The following NPEPPS variants were observed in gnomAD, a reference collection of about 807,000 sequenced individuals.
The protein encoded by NPEPPS is aminopeptidase puromycin sensitive, also known as puromycin-sensitive aminopeptidase.
A neutral mutation model predicts 115.5 loss-of-function variants in NPEPPS; 14 were observed. That is an observed-to-expected ratio of 0.12 (90% CI 0.08 to 0.19). The LOEUF (loss-of-function observed/expected upper bound fraction) is 0.19. Ranked by LOEUF, NPEPPS falls within the 10% of genes least tolerant of loss-of-function variation. The probability of loss-of-function intolerance (pLI) is 1.00; values close to 1 mark genes in which losing one functional copy is unlikely to be tolerated. For missense variants in NPEPPS, 523 were observed against 1,110.8 expected, an observed-to-expected ratio of 0.47 and a Z score of 7.52; for synonymous variants, 285 against 390.6, an observed-to-expected ratio of 0.73 and a Z score of 3.19.
At chr17:47,597,474 G>A (rs1395672625) in intron 13 of NPEPPS, among the ~76,000 whole-genome samples, 1 of 152,072 alleles carries the variant, frequency 6.6e-6, no homozygotes, top group Non-Finnish European at 1.5e-5. Flanking sequence ...TTTTTAGTAT[G>A]TGTTTTTTCT....
intron 12 of NPEPPS, among the ~76,000 whole-genome samples, chr17:47,595,296 C>A (rs1367852177): frequency 6.6e-6 from 1 of 151,538 alleles, no homozygotes; most frequent in Non-Finnish European, 1.5e-5. Flanking sequence ...GAACTCCAGA[C>A]CTCAGGTGAT....
At chr17:47,602,374 G>A (rs117597907) in intron 15 of NPEPPS, among the ~76,000 whole-genome samples, 7 of 151,916 alleles carry the variant, frequency 4.6e-5, no homozygotes, top group South Asian at 2.1e-4. Flanking sequence ...TTGGGAGGCC[G>A]AGGCAGGTAG....
At chr17:47,595,884 A>G (rs1450583872) in intron 12 of NPEPPS, among the ~76,000 whole-genome samples, 1 of 151,636 alleles carries the variant, frequency 6.6e-6, no homozygotes, top group East Asian at 1.9e-4. Flanking sequence ...CAGGCACCTG[A>G]AGCAGGAGAA....
intron 3 of NPEPPS, among the ~76,000 whole-genome samples, chr17:47,572,718 T>C (rs1451720059): frequency 6.6e-6 from 1 of 152,072 alleles, no homozygotes; most frequent in Admixed American, 6.5e-5. Context: ...TGAGAACCAG[T>C]CCAGCAGAAC....
chr17:47,621,245 T>G (rs1221847133), intron 22 of NPEPPS, among the ~76,000 whole-genome samples: 1 of 152,038 alleles, frequency 6.6e-6, no homozygotes, highest in Admixed American at 6.6e-5. Context: ...CAATTTAAAC[T>G]TCTTTGTATT....
chr17:47,616,799 A>G (rs1348728959), intron 19 of NPEPPS, among the ~76,000 whole-genome samples: 8 of 151,134 alleles, frequency 5.3e-5, no homozygotes, highest in South Asian at 2.1e-4. Context: ...AAAAAAAAAA[A>G]AGAGACCAGC....
chr17:47,537,550 G>A (rs1908389835), intron 1 of NPEPPS, among the ~76,000 whole-genome samples: 5 of 151,840 alleles, frequency 3.3e-5, no homozygotes, highest in Admixed American at 2.0e-4. Flanking sequence ...AAAATTAGCC[G>A]GGCGTGGTGG....
chr17:47,560,871 T>A (rs1273364581), intron 2 of NPEPPS, among the ~76,000 whole-genome samples: 4 of 152,206 alleles, frequency 2.6e-5, no homozygotes. Context: ...TGAGCTACAC[T>A]GGTATATGTG....
At chr17:47,587,876 G>T (rs1283612805) in intron 9 of NPEPPS, among the ~76,000 whole-genome samples, 1 of 151,250 alleles carries the variant, frequency 6.6e-6, no homozygotes, top group African/African-American at 2.4e-5. Flanking sequence ...TAAAATTCCA[G>T]CTGTTCTGTT....
At chr17:47,524,499 A>C (rs1346739145) in intron 1 of NPEPPS, among the ~76,000 whole-genome samples, 2 of 141,742 alleles carry the variant, frequency 1.4e-5, no homozygotes, top group Non-Finnish European at 3.1e-5. Context: ...AATTAAAAAC[A>C]TTTTTTTTTT....
At chr17:47,556,221 C>T (rs527451898) in intron 2 of NPEPPS, among the ~76,000 whole-genome samples, 18 of 150,626 alleles carry the variant, frequency 1.2e-4, no homozygotes, top group Middle Eastern at 3.4e-3. Context: ...GAGGACCCTG[C>T]GGCCTTTTTT....
chr17:47,579,930 CGTGT>C (rs10591746), intron 4 of NPEPPS: 3,814 of 146,308 alleles, frequency 0.026, 41 homozygotes, highest in Middle Eastern at 0.067. Flanking sequence ...TTTTTTTCTC[CGTGT>C]GTGTGTGTGT....
At chr17:47,592,819 T>G (rs1232054614) in intron 12 of NPEPPS, 1 of 320,534 alleles carries the variant, frequency 3.1e-6, no homozygotes, top group Admixed American at 4.4e-5. Flanking sequence ...GTTACGTCAG[T>G]ATACATGTGC....
chr17:47,603,587 A>G, intron 15 of NPEPPS: 1 of 177,274 alleles, frequency 5.6e-6, no homozygotes. Flanking sequence ...TAGAGATTCC[A>G]CTGTCCAGGT....
At chr17:47,568,268 A>G (rs919000643) in intron 2 of NPEPPS, among the ~76,000 whole-genome samples, 19 of 151,858 alleles carry the variant, frequency 1.3e-4, no homozygotes, top group African/African-American at 4.6e-4. Context: ...AGTTCAAGCA[A>G]TTCTAAATTA....
At chr17:47,525,591 C>A (rs886323710) in intron 1 of NPEPPS, among the ~76,000 whole-genome samples, 69 of 152,166 alleles carry the variant, frequency 4.5e-4, no homozygotes, top group African/African-American at 1.5e-3. Flanking sequence ...GAGCCGCCCA[C>A]CTTGGCCTCC....
At chr17:47,597,100 C>G (rs1043511655) in intron 13 of NPEPPS, among the ~76,000 whole-genome samples, 2 of 151,748 alleles carry the variant, frequency 1.3e-5, no homozygotes, top group Non-Finnish European at 2.9e-5. Context: ...TAAACAGAAT[C>G]AAATGCAAAT....
In NPEPPS at chr17:47,573,539, G is replaced by T. The variant is rs540280789; in HGVS notation, c.418+4045G>T. Among the ~76,000 whole-genome samples, 191 of 152,314 alleles carry T rather than the reference G, an allele frequency of 1.3e-3. 1 individual carries two copies. Among genetic ancestry groups the T allele is most frequent in the African/African-American group, 4.1e-3 (171 of 41,572 alleles). The stretch of plus-strand genomic sequence containing the variant: ...TAGCTAAAGCATGACTTTCTACAGT[G>T]AAGAGAAAATGTCTAAAGTTGAAAA... On this transcript the variant is annotated intron_variant, in intron 3 of 22. Coordinates refer to ENST00000322157, the MANE Select transcript of NPEPPS (RefSeq NM_006310.4).
upstream of NPEPPS, among the ~76,000 whole-genome samples, chr17:47,528,448 T>C (rs1416873566): frequency 1.3e-5 from 2 of 152,174 alleles, no homozygotes; most frequent in African/African-American, 2.4e-5. Flanking sequence ...GAAAAGTATG[T>C]AGGATTCAGA....
Sources: allele counts gnomAD v4.1 joint callset (sites outside exome capture counted in the v4.1 genomes callset), GRCh38; gene constraint gnomAD v4.1.1; transcripts MANE v1.5; gene names NCBI Gene and HGNC (gene_info 2026-07-23, HGNC 2026-07-21).